FAM98B: variants seen among roughly 807,000 people sequenced by gnomAD.
The protein encoded by FAM98B is tRNA-splicing ligase complex subunit FAM98B.
Under a neutral mutation model 43.9 loss-of-function variants are expected in FAM98B, and 32 were observed. That is an observed-to-expected ratio of 0.73 (90% confidence interval 0.55 to 0.98). The LOEUF (loss-of-function observed/expected upper bound fraction) is 0.98. FAM98B is among the 50% of genes least tolerant of loss of function. FAM98B has a pLI of 0.00. For missense variants in FAM98B, 514 were observed against 522.9 expected (o/e 0.98, Z 0.17); for synonymous variants, 190 against 174.0 (o/e 1.09, Z -0.72).
intron 3 of FAM98B, among the ~76,000 whole-genome samples, chr15:38,468,110 T>C (rs1407929914): frequency 6.6e-6 from 1 of 152,222 alleles, no homozygotes; most frequent in African/African-American, 2.4e-5. Context: ...GCATCGTAAA[T>C]GCTAAACCCT....
At chr15:38,477,904 G>T (rs1890227991) in intron 6 of FAM98B, among the ~76,000 whole-genome samples, 2 of 152,142 alleles carry the variant, frequency 1.3e-5, no homozygotes, top group Non-Finnish European at 2.9e-5. Context: ...CTCAAGAAAT[G>T]GAATAGAGTT....
intron 1 of FAM98B, among the ~76,000 whole-genome samples, chr15:38,461,950 C>T (rs548440076): frequency 3.2e-4 from 48 of 151,992 alleles, no homozygotes; most frequent in Non-Finnish European, 5.9e-4. Flanking sequence ...AGGAATCTAT[C>T]CTAGATAAAA....
chr15:38,477,402 T>G (rs1459914217), intron 6 of FAM98B, among the ~76,000 whole-genome samples: 4 of 152,004 alleles, frequency 2.6e-5, no homozygotes, highest in Non-Finnish European at 5.9e-5. Flanking sequence ...ACTTTGAGTG[T>G]TTTGAAATGT....
chr15:38,459,639 A>G, intron 1 of FAM98B: 1 of 198,638 alleles, frequency 5.0e-6, no homozygotes, highest in Non-Finnish European at 1.0e-5. Flanking sequence ...GCAACTCCTG[A>G]GACTCCCGAC....
chr15:38,468,803 T>A (rs1042090015), intron 3 of FAM98B, among the ~76,000 whole-genome samples: 3 of 152,202 alleles, frequency 2.0e-5, no homozygotes, highest in Non-Finnish European at 4.4e-5. Context: ...ACCTGTACTT[T>A]TAAATTGTTT....
rs1428675766 is a variant in FAM98B at position 38,464,174 on chromosome 15, G to C, written c.214G>C (p.Ala72Pro). The C allele has an allele frequency of 1.2e-6, 2 of 1,611,264 alleles. No homozygotes were observed. Among genetic ancestry groups the C allele is most frequent in the Admixed American group, 1.7e-5 (1 of 59,710 alleles). ...LCNLEESITS[A>P]GRDDLESFQL... ...CAACTTGGAAGAAAGTATCACGTCT[G>C]CTGGTATTGCCATTATGTTGTATTT... Residue 72 changes from alanine (A) to proline (P), a missense_variant, in exon 2 of 8, where the codon GCT becomes CCT. Transcript: ENST00000397609.
chr15:38,473,025 G>A (rs2141058425), intron 4 of FAM98B, among the ~76,000 whole-genome samples: 1 of 152,276 alleles, frequency 6.6e-6, no homozygotes, highest in Admixed American at 6.5e-5. Flanking sequence ...TGTGATGACT[G>A]TAATTGAGAG....
chr15:38,462,279 C>A (rs1170499606), intron 1 of FAM98B, among the ~76,000 whole-genome samples: 1 of 152,028 alleles, frequency 6.6e-6, no homozygotes, highest in Non-Finnish European at 1.5e-5. Context: ...AATATGGTCA[C>A]CTGTAGGGGA....
intron 1 of FAM98B, among the ~76,000 whole-genome samples, chr15:38,457,684 G>A (rs1050733585): frequency 6.6e-6 from 1 of 152,120 alleles, no homozygotes; most frequent in African/African-American, 2.4e-5. Flanking sequence ...GAAACTCAGT[G>A]TAATGGCAAG....
intron 1 of FAM98B, among the ~76,000 whole-genome samples, 179 bp downstream of exon 1, chr15:38,454,411 GGGGTGGAGCA>G (rs1889815557): frequency 6.6e-6 from 1 of 152,260 alleles, no homozygotes; most frequent in African/African-American, 2.4e-5. Flanking sequence ...ATCTATTTGG[GGGGTGGAGCA>G]GGGCCGGAGA....
At position 38,466,036 on chromosome 15, in the gene FAM98B, CAA is replaced by C. The variant is rs1338019455; in HGVS notation, c.352+634_352+635del. On this transcript the variant is annotated intron_variant, in intron 3 of 7. Coordinates refer to ENST00000397609, the MANE Select transcript of FAM98B (RefSeq NM_173611.4). The stretch of plus-strand genomic sequence containing the variant: ...TATAATGTTTTTAAAGTTCTACAAA[CAA>C]TGACTATTTGAAAGAATTTTTCTAA... Among the ~76,000 whole-genome samples the C allele has an allele frequency of 1.4e-4, 21 of 152,214 alleles. No individual in the cohort carries two copies. The East Asian group carries it at 3.9e-3, about 28-fold the overall frequency.
At chr15:38,465,727 A>T (rs188959081) in intron 3 of FAM98B, among the ~76,000 whole-genome samples, 2 of 152,242 alleles carry the variant, frequency 1.3e-5, no homozygotes, top group African/African-American at 4.8e-5. Context: ...CCAAAGTCCT[A>T]TTTAATCTAA....
chr15:38,481,035 G>T (rs986143385), intron 6 of FAM98B, among the ~76,000 whole-genome samples: 2 of 151,770 alleles, frequency 1.3e-5, no homozygotes, highest in Non-Finnish European at 2.9e-5. Context: ...GGTATTTTTT[G>T]TTAATATGTA....
chr15:38,472,276 A>T (rs1890139894), intron 4 of FAM98B, among the ~76,000 whole-genome samples: 1 of 152,160 alleles, frequency 6.6e-6, no homozygotes, highest in Admixed American at 6.5e-5. Flanking sequence ...TTTATAATGT[A>T]TGAAAAAACC....
intron 1 of FAM98B, among the ~76,000 whole-genome samples, chr15:38,456,571 A>G (rs1159745861): frequency 1.3e-5 from 2 of 152,246 alleles, no homozygotes; most frequent in African/African-American, 4.8e-5. Context: ...AGAAACAGAC[A>G]TGATCACAAA....
At position 38,470,390 on chromosome 15, in the gene FAM98B, C is replaced by G. The variant is rs763580612; in HGVS notation, c.516C>G (p.Asn172Lys). 6.3e-7 allele frequency: 1 copy of G among 1,595,078 alleles called. No homozygotes were observed. Among genetic ancestry groups the G allele is most frequent in the Admixed American group, 1.8e-5 (1 of 54,266 alleles). Reference sequence around the variant, plus strand: ...CTTCTGACATTCCGCATATGCTAAACCAAGTGGAATCAAAGGTATTATCTT... The same window carrying G: ...CTTCTGACATTCCGCATATGCTAAAGCAAGTGGAATCAAAGGTATTATCTT... ...STTSDIPHMLNQVESKVKDIL... is the reference protein window; with the variant it reads ...STTSDIPHMLKQVESKVKDIL... The change falls in exon 4 of 8, where the codon AAC becomes AAG. Residue 172 changes from asparagine to lysine, a missense_variant. This residue lies in a region of FAM98B where 469 missense variants were observed against 451.8 expected (regional missense o/e 1.04). Transcript: ENST00000397609.
intron 7 of FAM98B, among the ~76,000 whole-genome samples, chr15:38,483,968 A>G (rs931535698): frequency 2.6e-5 from 4 of 152,020 alleles, no homozygotes; most frequent in African/African-American, 7.2e-5. Flanking sequence ...GAAACATTCA[A>G]TATCCTCCTT....
At chr15:38,484,078 C>T (rs1177863942) in intron 7 of FAM98B, among the ~76,000 whole-genome samples, 177 bp from the exon 8 acceptor site, 1 of 151,928 alleles carries the variant, frequency 6.6e-6, no homozygotes, top group African/African-American at 2.4e-5. Context: ...TATCCTTTAA[C>T]AGATTTCTCC....
At chr15:38,478,908 C>G (rs956928637) in intron 6 of FAM98B, among the ~76,000 whole-genome samples, 2 of 151,798 alleles carry the variant, frequency 1.3e-5, no homozygotes, top group African/African-American at 4.8e-5. Context: ...ATTTTAGTAC[C>G]CTTTTTAAAA....
Sources: gnomAD v4.1 joint callset for allele counts (sites outside exome capture counted in the v4.1 genomes callset) on GRCh38, gnomAD v4.1.1 for gene constraint, gnomAD v4.1.1 regional missense constraint, MANE v1.5 for transcripts, NCBI Gene and HGNC (gene_info 2026-07-23, HGNC 2026-07-21) for gene names.